The following EXT1 variants were observed in gnomAD, a reference collection of about 807,000 sequenced individuals.
The protein encoded by EXT1 is exostosin glycosyltransferase 1.
A neutral mutation model predicts 82.5 loss-of-function variants in EXT1; 20 were observed. The observed-to-expected ratio is 0.24, with a 90% CI of 0.17 to 0.35. The LOEUF is 0.35. Among genes scored for constraint, EXT1 ranks in the 10% least tolerant of loss-of-function variants. EXT1 has a pLI of 1.00. For synonymous variants in EXT1, 348 were observed against 350.8 expected (o/e 0.99, Z 0.09); for missense variants, 757 against 936.5 (o/e 0.81, Z 2.50).
chr8:118,005,031 T>C (rs142653005), intron 1 of EXT1, among the ~76,000 whole-genome samples: 2 of 152,256 alleles, frequency 1.3e-5, no homozygotes, highest in East Asian at 3.9e-4. Context: ...CACTTTTACA[T>C]GGGGGTGAGG....
In EXT1 at chr8:117,844,137, C is replaced by CTATTATTATTATTATTATTATTAT. The variant is rs61042253; in HGVS notation, c.963-6960_963-6937dup. On this transcript the variant is annotated intron_variant, in intron 1 of 10. Coordinates refer to ENST00000378204, the MANE Select transcript of EXT1 (RefSeq NM_000127.3). Reference sequence around the variant, plus strand: ...GTTTAACAGTTTAAAATTTCAATTACTATTATTATTATTATTATTATTATT... The same window carrying CTATTATTATTATTATTATTATTAT: ...GTTTAACAGTTTAAAATTTCAATTACTATTATTATTATTATTATTATTATTATTATTATTATTATTATTATTATT... Among the ~76,000 whole-genome samples, 433 of 142,524 alleles carry CTATTATTATTATTATTATTATTAT rather than the reference C, an allele frequency of 3.0e-3. 4 individuals carry two copies. Among genetic ancestry groups the CTATTATTATTATTATTATTATTAT allele is most frequent in the African/African-American group, 4.0e-3 (156 of 38,600 alleles). The allele number at this position is 142,524 out of a possible 152,430, so 93.5% of individuals were successfully genotyped here.
intron 1 of EXT1, among the ~76,000 whole-genome samples, chr8:117,911,047 C>A (rs1813637337): frequency 6.6e-6 from 1 of 152,152 alleles, no homozygotes. Context: ...GACTCACTGG[C>A]AAAGTGACCC....
At chr8:118,011,998 C>G (rs965283281) in intron 1 of EXT1, among the ~76,000 whole-genome samples, 6 of 152,206 alleles carry the variant, frequency 3.9e-5, no homozygotes, top group African/African-American at 1.4e-4. Flanking sequence ...GCAGCAGCAG[C>G]AGGAGGAGCC....
chr8:117,827,251 T>C (rs1251858482), intron 4 of EXT1, among the ~76,000 whole-genome samples: 1 of 152,226 alleles, frequency 6.6e-6, no homozygotes, highest in East Asian at 1.9e-4. Flanking sequence ...CCTAAAGAAA[T>C]AGAGATGTAG....
Position 117,795,286 on chromosome 8 carries a change from A to G in EXT1, c.*4426T>C, listed in dbSNP as rs1823073699. 1 of 152,172 alleles carries G rather than the reference A, an allele frequency of 6.6e-6. No individual in the cohort carries two copies. Among genetic ancestry groups the G allele is most frequent in the Non-Finnish European group, 1.5e-5 (1 of 68,038 alleles). The allele number at this position is 152,172 out of a possible 1,614,324, so 9.4% of individuals were successfully genotyped here. ...GAACTCTAGACCAGTGACAACTACAATCCCTACTAGGTAAAACTCATGGAG... is the reference window on the plus strand; with the variant it reads ...GAACTCTAGACCAGTGACAACTACAGTCCCTACTAGGTAAAACTCATGGAG... On this transcript the variant is annotated 3_prime_UTR_variant, in exon 11 of 11. Coordinates refer to ENST00000378204, the MANE Select transcript of EXT1 (RefSeq NM_000127.3).
chr8:117,911,598 C>CAACGG, intron 1 of EXT1, among the ~76,000 whole-genome samples: 1 of 152,188 alleles, frequency 6.6e-6, no homozygotes, highest in Non-Finnish European at 1.5e-5. Context: ...TGAGACTGGC[C>CAACGG]TCAGAAAGAA....
chr8:117,923,740 A>AG (rs1813903650), intron 1 of EXT1, among the ~76,000 whole-genome samples: 1 of 151,828 alleles, frequency 6.6e-6, no homozygotes. Context: ...AAAAAAAAAA[A>AG]GAAGCAACAC....
At chr8:117,996,189 C>T (rs141272100) in intron 1 of EXT1, among the ~76,000 whole-genome samples, 289 of 152,210 alleles carry the variant, frequency 1.9e-3, no homozygotes, top group African/African-American at 6.4e-3. Context: ...GAGGAACAGC[C>T]GACTACAGGA....
At chr8:117,849,818 A>G (rs994569045) in intron 1 of EXT1, among the ~76,000 whole-genome samples, 1 of 152,230 alleles carries the variant, frequency 6.6e-6, no homozygotes, top group African/African-American at 2.4e-5. Context: ...TATGAGGTAA[A>G]ATGCAGAAGA....
chr8:117,888,346 A>T (rs1030540638), intron 1 of EXT1, among the ~76,000 whole-genome samples: 2 of 152,194 alleles, frequency 1.3e-5, no homozygotes, highest in African/African-American at 4.8e-5. Context: ...AATTACATTC[A>T]TATAGATTCA....
intron 1 of EXT1, among the ~76,000 whole-genome samples, chr8:118,059,218 G>C (rs571178494): frequency 6.6e-6 from 1 of 152,216 alleles, no homozygotes; most frequent in Non-Finnish European, 1.5e-5. Flanking sequence ...GCTCACGGCA[G>C]TATAGTCCTA....
intron 1 of EXT1, among the ~76,000 whole-genome samples, chr8:118,042,153 T>A (rs1816543980): frequency 6.6e-6 from 1 of 152,138 alleles, no homozygotes; most frequent in Admixed American, 6.6e-5. Flanking sequence ...CCATAAGGTC[T>A]TTGATACTTG....
At position 117,819,743 on chromosome 8, in the gene EXT1, AG is replaced by A. The variant is rs886039355; in HGVS notation, c.1468del (p.Leu490TrpfsTer9). The A allele has an allele frequency of 1.2e-6, 2 of 1,613,396 alleles. No homozygotes were observed. Among genetic ancestry groups the A allele is most frequent in the Non-Finnish European group, 1.7e-6 (2 of 1,180,014 alleles). On this transcript the variant is annotated frameshift_variant, in exon 6 of 11. Transcript: ENST00000378204. LOFTEE classifies it high-confidence loss of function. ...FTAVIHAVTP[L>X]VSQSQPVLKL... The stretch of plus-strand genomic sequence containing the variant: ...CAACACTGGCTGGGACTGAGAGACC[AG>A]GGGGGTCACCGCATGGATGACTGCA...
chr8:117,931,522 A>G lies in EXT1; in HGVS notation c.963-94321T>C, dbSNP rs558632668. Among the ~76,000 whole-genome samples, 467 of 145,692 alleles carry G rather than the reference A, an allele frequency of 3.2e-3. 2 individuals are homozygous for G. Among genetic ancestry groups the G allele is most frequent in the African/African-American group, 0.011 (434 of 39,182 alleles). ...GAAGAGAAGGAGATGGAAAAGGGGG[A>G]GGTGGGAATAAGAGAGGGGGAAGCC... On this transcript the variant is annotated intron_variant, in intron 1 of 10. Coordinates refer to ENST00000378204, the MANE Select transcript of EXT1 (RefSeq NM_000127.3).
intron 1 of EXT1, among the ~76,000 whole-genome samples, chr8:117,929,260 G>A (rs150813366): frequency 3.7e-4 from 56 of 152,316 alleles, no homozygotes; most frequent in Non-Finnish European, 6.3e-4. Flanking sequence ...CGCACAGGTA[G>A]TAGAGAAACT....
At chr8:117,872,882 T>G (rs1048675440) in intron 1 of EXT1, among the ~76,000 whole-genome samples, 1 of 150,148 alleles carries the variant, frequency 6.7e-6, no homozygotes, top group African/African-American at 2.5e-5. Context: ...GAAGCCAAGA[T>G]GGGATTTTTA....
chr8:117,858,636 C>T (rs1438727431), intron 1 of EXT1, among the ~76,000 whole-genome samples: 1 of 150,250 alleles, frequency 6.7e-6, no homozygotes, highest in African/African-American at 2.5e-5. Flanking sequence ...TGAGATTGTG[C>T]CATTGCGCTC....
intron 1 of EXT1, among the ~76,000 whole-genome samples, chr8:118,091,178 C>A (rs905377768): frequency 1.3e-5 from 2 of 152,182 alleles, no homozygotes; most frequent in East Asian, 3.9e-4. Flanking sequence ...AGAACCGAGG[C>A]CTATCTTAGA....
intron 1 of EXT1, among the ~76,000 whole-genome samples, chr8:117,958,076 C>G (rs1338075899): frequency 6.6e-6 from 1 of 151,646 alleles, no homozygotes; most frequent in Non-Finnish European, 1.5e-5. Flanking sequence ...ATGCCTTTAA[C>G]AAACTGAATA....
Sources: gnomAD v4.1 joint callset for allele counts (sites outside exome capture counted in the v4.1 genomes callset) on GRCh38, gnomAD v4.1.1 for gene constraint, MANE v1.5 for transcripts, NCBI Gene and HGNC (gene_info 2026-07-23, HGNC 2026-07-21) for gene names.